The following ESRRG variants were observed in gnomAD, a reference collection of about 807,000 sequenced individuals.
ESRRG encodes estrogen-related receptor gamma.
Under a neutral mutation model 44.0 loss-of-function variants are expected in ESRRG, and 13 were observed. The ratio of observed to expected loss-of-function variants is 0.30; its 90% CI spans 0.19 to 0.47. The LOEUF (loss-of-function observed/expected upper bound fraction) is 0.47, where lower values mean the gene tolerates loss of function less well. ESRRG is among the 20% of genes least tolerant of loss of function. The pLI is 1.00. For missense variants in ESRRG, 395 were observed against 580.6 expected, an observed-to-expected ratio of 0.68 and a Z score of 3.29; for synonymous variants, 215 against 214.6, an observed-to-expected ratio of 1.00 and a Z score of -0.02.
At chr1:216,948,301 A>G (rs2066389452) in intron 1 of ESRRG, among the ~76,000 whole-genome samples, 1 of 151,814 alleles carries the variant, frequency 6.6e-6, no homozygotes, top group Non-Finnish European at 1.5e-5. Context: ...TCATGCCTGG[A>G]ATCTCAGCAC....
At chr1:217,064,736 C>G (rs992326533) in intron 1 of ESRRG, among the ~76,000 whole-genome samples, 5 of 152,146 alleles carry the variant, frequency 3.3e-5, no homozygotes, top group Non-Finnish European at 7.3e-5. Flanking sequence ...GATATCAGCC[C>G]TTAGGCACAG....
Position 216,715,493 on chromosome 1 carries a change from T to C in ESRRG, c.56+7751A>G, listed in dbSNP as rs549945718. 2.5e-3 allele frequency among the ~76,000 whole-genome samples: 374 copies of C among 152,288 alleles called. 4 individuals carry two copies. Among genetic ancestry groups the C allele is most frequent in the African/African-American group, 8.2e-3 (342 of 41,580 alleles). Reference sequence around the variant, plus strand: ...ATTCTTTTATTTATGTGAAAATGAATACAATTTAACATGCCCATCTTACAT... The same window carrying C: ...ATTCTTTTATTTATGTGAAAATGAACACAATTTAACATGCCCATCTTACAT... On this transcript the variant is annotated intron_variant, in intron 1 of 6. Transcript: ENST00000408911.
intron 1 of ESRRG, among the ~76,000 whole-genome samples, chr1:216,993,535 T>C (rs993717495): frequency 3.3e-5 from 5 of 152,268 alleles, no homozygotes; most frequent in African/African-American, 1.2e-4. Context: ...ACCTGAAGCA[T>C]CCCTGCAGTG....
chr1:217,049,558 T>C (rs2085522135), intron 1 of ESRRG, among the ~76,000 whole-genome samples: 1 of 152,188 alleles, frequency 6.6e-6, no homozygotes, highest in South Asian at 2.1e-4. Context: ...AAGGCAGTCA[T>C]ATAGCAGAGA....
At chr1:216,942,386 T>C (rs567786252) in intron 1 of ESRRG, among the ~76,000 whole-genome samples, 91 of 152,262 alleles carry the variant, frequency 6.0e-4, no homozygotes, top group Non-Finnish European at 1.1e-3. Context: ...TGAGGGCAGG[T>C]GTCTTTTTGG....
At chr1:216,546,470 T>C (rs2054551906) in intron 5 of ESRRG, among the ~76,000 whole-genome samples, 1 of 152,030 alleles carries the variant, frequency 6.6e-6, no homozygotes, top group Non-Finnish European at 1.5e-5. Flanking sequence ...TTCATGGGCG[T>C]GCAAACTGCA....
chr1:216,579,405 T>C (rs745692009), intron 3 of ESRRG, among the ~76,000 whole-genome samples: 1 of 152,108 alleles, frequency 6.6e-6, no homozygotes, highest in Non-Finnish European at 1.5e-5. Context: ...AAATTTTTTG[T>C]CAAAGAAATT....
At chr1:217,101,225 C>A (rs941326206) in intron 1 of ESRRG, among the ~76,000 whole-genome samples, 1 of 152,150 alleles carries the variant, frequency 6.6e-6, no homozygotes, top group Non-Finnish European at 1.5e-5. Flanking sequence ...GCAGTCAAAC[C>A]CTTCCTGACC....
At chr1:216,787,197 A>C (rs2094155562) in intron 2 of ESRRG, among the ~76,000 whole-genome samples, 1 of 152,110 alleles carries the variant, frequency 6.6e-6, no homozygotes, top group Admixed American at 6.6e-5. Flanking sequence ...CTTAATTGAT[A>C]AACGTTGTGT....
intron 1 of ESRRG, among the ~76,000 whole-genome samples, chr1:217,079,419 C>T (rs1164163637): frequency 6.6e-6 from 1 of 152,178 alleles, no homozygotes; most frequent in Non-Finnish European, 1.5e-5. Context: ...TATCTGAAAG[C>T]CAGCCCAGGA....
intron 6 of ESRRG, among the ~76,000 whole-genome samples, chr1:216,510,363 G>T (rs2042341938): frequency 6.6e-6 from 1 of 152,110 alleles, no homozygotes; most frequent in Admixed American, 6.5e-5. Context: ...CACATATTAA[G>T]TCTAACACCT....
chr1:216,685,268 G>A (rs1355725740), intron 1 of ESRRG, among the ~76,000 whole-genome samples: 1 of 151,848 alleles, frequency 6.6e-6, no homozygotes, highest in East Asian at 1.9e-4. Flanking sequence ...AAGTACCCAA[G>A]ATAAATCATT....
chr1:217,133,631 T>TTCTTTCTCTCTCTC (rs1491192210), intron 1 of ESRRG, among the ~76,000 whole-genome samples: 4 of 58,450 alleles, frequency 6.8e-5, no homozygotes, highest in Non-Finnish European at 1.3e-4. Flanking sequence ...CTTTCTTTCT[T>TTCTTTCTCTCTCTC]TCTCTCTCTC....
chr1:216,683,015 C>T (rs1201565840), intron 1 of ESRRG, among the ~76,000 whole-genome samples: 1 of 152,116 alleles, frequency 6.6e-6, no homozygotes, highest in Non-Finnish European at 1.5e-5. Flanking sequence ...AGTGTCATGT[C>T]AGAAATCAAC....
chr1:217,042,212 A>T (rs1367440879), intron 1 of ESRRG, among the ~76,000 whole-genome samples: 1 of 152,220 alleles, frequency 6.6e-6, no homozygotes, highest in African/African-American at 2.4e-5. Flanking sequence ...TGACATATAA[A>T]TATAGAAATT....
At chr1:216,746,183 T>C (rs141722984) in intron 2 of ESRRG, among the ~76,000 whole-genome samples, 10 of 152,256 alleles carry the variant, frequency 6.6e-5, no homozygotes, top group African/African-American at 2.2e-4. Context: ...AAGAAGGAAA[T>C]GAAGCTCAAA....
At chr1:216,646,884 A>C (rs1216425944) in intron 3 of ESRRG, among the ~76,000 whole-genome samples, 1 of 152,208 alleles carries the variant, frequency 6.6e-6, no homozygotes, top group Admixed American at 6.6e-5. Flanking sequence ...ATGTGCGTGA[A>C]TGTGAGTCTT....
At chr1:216,943,348 C>T (rs1490270636) in intron 1 of ESRRG, among the ~76,000 whole-genome samples, 1 of 152,218 alleles carries the variant, frequency 6.6e-6, no homozygotes, top group Admixed American at 6.5e-5. Flanking sequence ...TCACCAGCAG[C>T]TGCCTCTGCA....
At chr1:216,724,538 C>A (rs1399339821), upstream of ESRRG, among the ~76,000 whole-genome samples, 3 of 152,032 alleles carry the variant, frequency 2.0e-5, no homozygotes, top group African/African-American at 4.8e-5. Flanking sequence ...TGTTTCTATA[C>A]ATAAGGCACC....
Sources: gnomAD v4.1 joint callset for allele counts (sites outside exome capture counted in the v4.1 genomes callset) on GRCh38, gnomAD v4.1.1 for gene constraint, MANE v1.5 for transcripts, NCBI Gene and HGNC (gene_info 2026-07-23, HGNC 2026-07-21) for gene names.